Variants in CIT observed in about 807,000 individuals in gnomAD.
CIT encodes the protein citron Rho-interacting kinase.
Under a neutral mutation model 272.7 loss-of-function variants are expected in CIT, and 79 were observed. The ratio of observed to expected loss-of-function variants is 0.29; its 90% confidence interval spans 0.24 to 0.35. CIT has a LOEUF of 0.35. Among genes scored for constraint, CIT ranks in the 10% least tolerant of loss-of-function variants. CIT has a pLI of 1.00. For missense variants in CIT, 1,909 were observed against 2,618.3 expected (o/e 0.73, Z 5.91); for synonymous variants, 948 against 995.6 (o/e 0.95, Z 0.90).
At chr12:119,846,167 T>C (rs1243754209) in intron 5 of CIT, among the ~76,000 whole-genome samples, 1 of 152,154 alleles carries the variant, frequency 6.6e-6, no homozygotes, top group Non-Finnish European at 1.5e-5. Flanking sequence ...TGGGCATTCC[T>C]GCTGGGACTC....
At chr12:119,789,922 G>A (rs1467146525) in intron 10 of CIT, among the ~76,000 whole-genome samples, 3 of 151,192 alleles carry the variant, frequency 2.0e-5, no homozygotes, top group Non-Finnish European at 4.4e-5. Flanking sequence ...CACCATGTTG[G>A]CCAGGATGGT....
intron 7 of CIT, among the ~76,000 whole-genome samples, chr12:119,830,924 T>G (rs1968571859): frequency 6.6e-6 from 1 of 152,208 alleles, no homozygotes; most frequent in South Asian, 2.1e-4. Context: ...TGGAATGCAA[T>G]GGTGCAAACA....
chr12:119,754,523 T>G (rs572314109), intron 22 of CIT, among the ~76,000 whole-genome samples: 5 of 152,270 alleles, frequency 3.3e-5, no homozygotes, highest in African/African-American at 1.2e-4. Flanking sequence ...CTGGATGCTA[T>G]ACAATGAAGG....
intron 9 of CIT, among the ~76,000 whole-genome samples, chr12:119,810,676 T>G (rs566489428): frequency 3.1e-4 from 43 of 138,916 alleles, no homozygotes; most frequent in African/African-American, 1.1e-3. Flanking sequence ...GCCTCCAGCC[T>G]GGGCAGCAGA....
rs549746612 is a variant in CIT, at chr12:119,694,566, G to A, written c.5882+3093C>T. Among the ~76,000 whole-genome samples, 46 of 152,240 alleles carry A rather than the reference G, an allele frequency of 3.0e-4. No homozygotes were observed. Among genetic ancestry groups the A allele is most frequent in the Admixed American group, 2.6e-3 (40 of 15,304 alleles). On this transcript the variant is annotated intron_variant, in intron 46 of 47. Coordinates refer to ENST00000392521, the MANE Select transcript of CIT (RefSeq NM_001206999.2). The surrounding 1 kb of genome is among the most constrained non-coding windows in gnomAD (Gnocchi z 4.5). ...CACCTGTAATCCCAGCACTTTGGGG[G>A]GCCAGGGCAGGCAAATTGCTTGAGC...
rs1956298751 is a variant in CIT at position 119,697,568 on chromosome 12, G to C, written c.5882+91C>G. 3 of 1,312,128 alleles carry C rather than the reference G, an allele frequency of 2.3e-6. No individual in the cohort carries two copies. Among genetic ancestry groups the C allele is most frequent in the South Asian group, 2.8e-5 (2 of 72,168 alleles). 81.3% of individuals were successfully genotyped at this position (1,312,128 alleles called of 1,614,324 possible). A position where few individuals can be genotyped will look rare whatever the true frequency, so the allele number is the denominator to read the frequency against. Reference sequence around the variant, plus strand: ...TGAGCTTAAGAACAAAGTGAAGATTGGGAAACATTCTACTGGTTTAGTATC... The same window carrying C: ...TGAGCTTAAGAACAAAGTGAAGATTCGGAAACATTCTACTGGTTTAGTATC... On this transcript the variant is annotated intron_variant, in intron 46 of 47. Coordinates refer to ENST00000392521, the MANE Select transcript of CIT (RefSeq NM_001206999.2). This position sits in a 1 kb window ranked among gnomAD's most constrained non-coding sequence, Gnocchi z 4.9.
At chr12:119,823,072 T>C in intron 8 of CIT, 99 bp from the exon 9 acceptor site, 2 of 1,298,400 alleles carry the variant, frequency 1.5e-6, no homozygotes, top group Non-Finnish European at 2.1e-6. Context: ...AAGTTTCTTT[T>C]TTTTTGTTTT....
chr12:119,739,584 A>G (rs1366973493), intron 24 of CIT, among the ~76,000 whole-genome samples: 1 of 152,212 alleles, frequency 6.6e-6, no homozygotes, highest in Non-Finnish European at 1.5e-5. Flanking sequence ...ATGTTGTTCT[A>G]AAGTAGTGGT....
rs1565919928 is a variant in CIT at position 119,710,236 on chromosome 12, T to C, written c.5071+15A>G. On this transcript the variant is annotated intron_variant, in intron 39 of 47. Coordinates refer to ENST00000392521, the MANE Select transcript of CIT (RefSeq NM_001206999.2). The surrounding 1 kb of genome is among the most constrained non-coding windows in gnomAD (Gnocchi z 5.6). ...TTGAAAGTAAAGAAAAAACACCATG[T>C]CCTTGGCCTCACACCTGCTATCATG... is the stretch of plus-strand genomic sequence containing the variant. The C allele has an allele frequency of 1.2e-6, 2 of 1,611,270 alleles. No homozygotes were observed. Among genetic ancestry groups the C allele is most frequent in the Non-Finnish European group, 1.7e-6 (2 of 1,179,280 alleles).
chr12:119,816,003 C>A lies in CIT; in HGVS notation c.1111+6817G>T, dbSNP rs1413844650. 2.0e-5 allele frequency among the ~76,000 whole-genome samples: 3 copies of A among 152,286 alleles called. No homozygotes were observed. In the East Asian group the frequency reaches 5.8e-4, roughly 29 times the overall value. Reference sequence around the variant, plus strand: ...TGAGTTTGATTCCTACCACTGCCAACTTCGGGCTCCATGACCTCATTTGTA... The same window carrying A: ...TGAGTTTGATTCCTACCACTGCCAAATTCGGGCTCCATGACCTCATTTGTA... On this transcript the variant is annotated intron_variant, in intron 9 of 47. Coordinates refer to ENST00000392521, the MANE Select transcript of CIT (RefSeq NM_001206999.2).
At chr12:119,855,313 C>T (rs974254333) in intron 4 of CIT, among the ~76,000 whole-genome samples, 3 of 151,884 alleles carry the variant, frequency 2.0e-5, no homozygotes, top group Non-Finnish European at 4.4e-5. Flanking sequence ...GTCCCAGCTA[C>T]TCGGGAGGCT....
In CIT at chr12:119,713,741, C is replaced by A. The variant is rs930693716; in HGVS notation, c.4307-93G>T. On this transcript the variant is annotated intron_variant, in intron 33 of 47. Coordinates refer to ENST00000392521, the MANE Select transcript of CIT (RefSeq NM_001206999.2). The surrounding 1 kb of genome is among the most constrained non-coding windows in gnomAD (Gnocchi z 5.2). ...AGCCAACGCCTGGGCTTCTCTACCC[C>A]AGCCGGGCCCAGAGAGTCTGGCCCT... The A allele has an allele frequency of 3.0e-6, 4 of 1,337,846 alleles. No homozygotes were observed. The highest frequency in any genetic ancestry group is 4.3e-6 in the Non-Finnish European group (4 of 936,698). The allele number at this position is 1,337,846 out of a possible 1,614,324, so 82.9% of individuals were successfully genotyped here.
intron 44 of CIT, among the ~76,000 whole-genome samples, chr12:119,699,256 C>CA (rs1181095399): frequency 0.072 from 3,690 of 50,902 alleles, 129 homozygotes; most frequent in African/African-American, 0.1. Flanking sequence ...AAATCCGACT[C>CA]AAAAAAAAAA....
intron 4 of CIT, among the ~76,000 whole-genome samples, chr12:119,852,700 C>CA (rs201127935): frequency 0.055 from 6,963 of 127,130 alleles, 288 homozygotes; most frequent in African/African-American, 0.13. Flanking sequence ...GACTCTGTCT[C>CA]AAAAAAAAAA....
intron 28 of CIT, among the ~76,000 whole-genome samples, chr12:119,722,482 TTCTC>T (rs1162822614): frequency 6.6e-6 from 1 of 152,188 alleles, no homozygotes; most frequent in Non-Finnish European, 1.5e-5. Context: ...GTCTCTTTGC[TTCTC>T]TCTACCTCTG....
At chr12:119,864,292 A>G (rs1286873724) in intron 3 of CIT, among the ~76,000 whole-genome samples, 1 of 152,050 alleles carries the variant, frequency 6.6e-6, no homozygotes, top group Admixed American at 6.6e-5. Flanking sequence ...TTTTCTGTGT[A>G]AGTTTTTTTG....
At chr12:119,857,405 A>C (rs1323932014) in intron 4 of CIT, 118 bp downstream of exon 4, 5 of 1,009,352 alleles carry the variant, frequency 5.0e-6, no homozygotes, top group Non-Finnish European at 7.2e-6. Context: ...CTATAATTAA[A>C]TATAGAGTCA....
intron 3 of CIT, 42 bp downstream of exon 3, chr12:119,869,018 C>T (rs756243658): frequency 8.1e-6 from 13 of 1,600,882 alleles, no homozygotes; most frequent in Middle Eastern, 1.7e-4. Context: ...TCTAGTTTTT[C>T]TCTCTCAGGA....
At chr12:119,765,331 GTGC>G in intron 19 of CIT, among the ~76,000 whole-genome samples, 1 of 146,054 alleles carries the variant, frequency 6.8e-6, no homozygotes, top group South Asian at 2.1e-4. Flanking sequence ...TGAGCCTACT[GTGC>G]TGAGCAAGAC....
Sources: gnomAD v4.1 joint callset for allele counts (sites outside exome capture counted in the v4.1 genomes callset) on GRCh38, gnomAD v4.1.1 for gene constraint, Gnocchi (gnomAD v3.1) non-coding constraint, MANE v1.5 for transcripts, NCBI Gene and HGNC (gene_info 2026-07-23, HGNC 2026-07-21) for gene names.